The following ZNF385D variants were observed in gnomAD, a reference collection of about 807,000 sequenced individuals.
The protein encoded by ZNF385D is zinc finger protein 385D.
A neutral mutation model predicts 35.8 loss-of-function variants in ZNF385D; 15 were observed. The ratio of observed to expected loss-of-function variants is 0.42; its 90% CI spans 0.28 to 0.64. The LOEUF is 0.64. Ranked by LOEUF, ZNF385D falls within the 30% of genes least tolerant of loss-of-function variation. The probability of loss-of-function intolerance (pLI) is 0.23; values close to 1 mark genes in which losing one functional copy is unlikely to be tolerated. For missense variants in ZNF385D, 474 were observed against 494.6 expected (o/e 0.96, Z 0.39); for synonymous variants, 212 against 186.8 (o/e 1.13, Z -1.10).
intron 3 of ZNF385D, among the ~76,000 whole-genome samples, chr3:21,999,481 C>T (rs989807027): frequency 6.6e-6 from 1 of 152,134 alleles, no homozygotes; most frequent in African/African-American, 2.4e-5. Flanking sequence ...CCAACACCAA[C>T]ATTTTGGGGC....
rs187628438 is a variant in ZNF385D at position 22,322,842 on chromosome 3, A to G, written c.106+49608T>C. Among the ~76,000 whole-genome samples, 377 of 152,246 alleles carry G rather than the reference A, an allele frequency of 2.5e-3. 7 individuals carry two copies. The South Asian group carries it at 0.027, about 11-fold the overall frequency. On this transcript the variant is annotated intron_variant, in intron 2 of 5. Coordinates refer to the ZNF385D transcript ENST00000494108. ...CAGAAATCATGTTTTAAAGTTCTGG[A>G]TATTTTTTACTTAAGTACTTTTTAT...
At position 22,238,459 on chromosome 3, in the gene ZNF385D, CACTT is replaced by C. The variant is rs890769773; in HGVS notation, c.107-69428_107-69425del. The stretch of plus-strand genomic sequence containing the variant: ...AGTCTACAAATATGAAATGCCGTTC[CACTT>C]ACTTAGGATTTTTTTCAACTTCTTT... On this transcript the variant is annotated intron_variant, in intron 2 of 5. Coordinates refer to the ZNF385D transcript ENST00000494108. Among the ~76,000 whole-genome samples, 40 of 150,808 alleles carry C rather than the reference CACTT, an allele frequency of 2.7e-4. 4 individuals are homozygous for C. Among genetic ancestry groups the C allele is most frequent in the Middle Eastern group, 6.8e-3 (2 of 294 alleles).
chr3:21,944,186 A>C (rs1267474990), intron 3 of ZNF385D, among the ~76,000 whole-genome samples: 3 of 152,190 alleles, frequency 2.0e-5, no homozygotes, highest in Non-Finnish European at 4.4e-5. Flanking sequence ...GCAGCATTGC[A>C]CTTTCTGCTA....
At chr3:21,876,624 G>A (rs897652343) in intron 3 of ZNF385D, among the ~76,000 whole-genome samples, 1 of 151,844 alleles carries the variant, frequency 6.6e-6, no homozygotes, top group Non-Finnish European at 1.5e-5. Flanking sequence ...ATGAAGAACA[G>A]AACAGCTTTT....
intron 1 of ZNF385D, among the ~76,000 whole-genome samples, chr3:21,729,325 G>C (rs1366174000): frequency 6.6e-6 from 1 of 152,120 alleles, no homozygotes; most frequent in Non-Finnish European, 1.5e-5. Context: ...ATATTGATTT[G>C]CTAGTCTTTG....
intron 3 of ZNF385D, among the ~76,000 whole-genome samples, chr3:21,865,045 CTTTTTTTTTTTTTTTTTT>C (rs3073907): frequency 1.4e-4 from 3 of 21,198 alleles, no homozygotes; most frequent in South Asian, 3.2e-3. Context: ...ACAGGGAAGA[CTTTTTTTTTTTTTTTTTT>C]TTTTTTTTTT....
chr3:22,280,805 G>C (rs552587850), intron 2 of ZNF385D, among the ~76,000 whole-genome samples: 1 of 152,060 alleles, frequency 6.6e-6, no homozygotes, highest in Non-Finnish European at 1.5e-5. Context: ...TTTGAGGAAT[G>C]ATTGCGGTAT....
chr3:22,226,704 G>T (rs1265669379), intron 2 of ZNF385D, among the ~76,000 whole-genome samples: 2 of 152,042 alleles, frequency 1.3e-5, no homozygotes, highest in Non-Finnish European at 2.9e-5. Flanking sequence ...TCCATTTATA[G>T]CATCCTCTCC....
intron 7 of ZNF385D, 60 bp from the exon 8 acceptor site, chr3:21,421,507 C>T: frequency 7.9e-7 from 1 of 1,266,362 alleles, no homozygotes; most frequent in Non-Finnish European, 1.1e-6. Flanking sequence ...TACTTAAAAC[C>T]CAAAATGGCA....
At position 22,175,821 on chromosome 3, in the gene ZNF385D, CAAAT is replaced by C. The variant is rs1205152970; in HGVS notation, c.107-6790_107-6787del. Among the ~76,000 whole-genome samples, 4 of 150,222 alleles carry C rather than the reference CAAAT, an allele frequency of 2.7e-5. No homozygotes were observed. In the East Asian group the frequency reaches 7.8e-4, roughly 29 times the overall value. On this transcript the variant is annotated intron_variant, in intron 2 of 5. Transcript: ENST00000494108. ...ATTTGGAATACATATATATATAAATCAAATAAACTACTTCAGTAGTGAATCTTCC... is the reference window on the plus strand; with the variant it reads ...ATTTGGAATACATATATATATAAATCAAACTACTTCAGTAGTGAATCTTCC...
At chr3:21,496,192 C>T (rs1029118290) in intron 4 of ZNF385D, among the ~76,000 whole-genome samples, 6 of 151,036 alleles carry the variant, frequency 4.0e-5, no homozygotes, top group African/African-American at 1.5e-4. Flanking sequence ...CTCCCCAACT[C>T]ATTCTATGAG....
At chr3:22,115,678 TA>T (rs1305898746) in intron 3 of ZNF385D, among the ~76,000 whole-genome samples, 1 of 152,092 alleles carries the variant, frequency 6.6e-6, no homozygotes, top group Non-Finnish European at 1.5e-5. Flanking sequence ...AGAAGTTTAG[TA>T]GCTTGGTTAG....
intron 2 of ZNF385D, among the ~76,000 whole-genome samples, chr3:22,331,209 A>AT (rs1553649970): frequency 4.6e-5 from 7 of 151,918 alleles, no homozygotes; most frequent in South Asian, 2.1e-4. Context: ...GCCATTTATT[A>AT]TTTTTTTTAG....
intron 2 of ZNF385D, among the ~76,000 whole-genome samples, chr3:22,268,383 A>T (rs975448413): frequency 3.9e-5 from 6 of 152,062 alleles, no homozygotes; most frequent in Non-Finnish European, 8.8e-5. Flanking sequence ...ACATGAAAGC[A>T]TAATGCTCAT....
At chr3:21,430,622 C>CT (rs1468710327) in intron 5 of ZNF385D, among the ~76,000 whole-genome samples, 2 of 152,166 alleles carry the variant, frequency 1.3e-5, no homozygotes, top group South Asian at 2.1e-4. Flanking sequence ...ATCCAGAAAG[C>CT]TTTTTTTATC....
intron 1 of ZNF385D, among the ~76,000 whole-genome samples, chr3:21,678,832 T>A (rs552006373): frequency 6.6e-6 from 1 of 152,240 alleles, no homozygotes; most frequent in South Asian, 2.1e-4. Flanking sequence ...AAGTGCTAAA[T>A]ATTTGCTTCC....
intron 3 of ZNF385D, among the ~76,000 whole-genome samples, chr3:22,047,079 C>T (rs1348888935): frequency 6.6e-6 from 1 of 152,090 alleles, no homozygotes; most frequent in Non-Finnish European, 1.5e-5. Flanking sequence ...CACCTGATTT[C>T]TCTGTCAACG....
intron 3 of ZNF385D, among the ~76,000 whole-genome samples, chr3:22,049,872 T>A (rs1278010367): frequency 6.6e-6 from 1 of 152,212 alleles, no homozygotes; most frequent in Non-Finnish European, 1.5e-5. Flanking sequence ...TGAGTTATTC[T>A]CTTAATAGGC....
chr3:22,096,094 A>C (rs1215622517), intron 3 of ZNF385D, among the ~76,000 whole-genome samples: 1 of 151,796 alleles, frequency 6.6e-6, no homozygotes, highest in African/African-American at 2.4e-5. Flanking sequence ...TGAAGACTAA[A>C]TTGAGAACGG....
Sources: allele counts gnomAD v4.1 joint callset (sites outside exome capture counted in the v4.1 genomes callset), GRCh38; gene constraint gnomAD v4.1.1; transcripts MANE v1.5; gene names NCBI Gene and HGNC (gene_info 2026-07-23, HGNC 2026-07-21).